KCNMA1: variants seen among roughly 807,000 people sequenced by gnomAD.
KCNMA1 encodes the protein potassium calcium-activated channel subfamily M alpha 1.
Under a neutral mutation model 140.0 loss-of-function variants are expected in KCNMA1, and 29 were observed. The ratio of observed to expected loss-of-function variants is 0.21; its 90% CI spans 0.15 to 0.28. KCNMA1 has a LOEUF of 0.28. Among genes scored for constraint, KCNMA1 ranks in the 10% least tolerant of loss-of-function variants. The pLI, the probability that KCNMA1 is intolerant of heterozygous loss-of-function variation, is 1.00. For synonymous variants in KCNMA1, 612 were observed against 611.9 expected (o/e 1.00, Z 0.00); for missense variants, 880 against 1,602.2 (o/e 0.55, Z 7.70).
intron 3 of KCNMA1, among the ~76,000 whole-genome samples, chr10:77,234,582 A>T (rs906914941): frequency 6.6e-6 from 1 of 152,254 alleles, no homozygotes; most frequent in Non-Finnish European, 1.5e-5. Context: ...AGTGACATGT[A>T]ATCCATACTG....
chr10:77,388,149 T>C (rs368003553), intron 2 of KCNMA1, among the ~76,000 whole-genome samples: 8 of 152,360 alleles, frequency 5.3e-5, no homozygotes, highest in African/African-American at 1.9e-4. Flanking sequence ...CATCCTTAAC[T>C]AAGTCCTACC....
At chr10:77,131,888 C>T (rs1007611896) in intron 5 of KCNMA1, among the ~76,000 whole-genome samples, 5 of 151,056 alleles carry the variant, frequency 3.3e-5, no homozygotes, top group Non-Finnish European at 7.4e-5. Context: ...TCGCTTGAAC[C>T]CGGGAGGCAG....
At chr10:77,476,125 G>C (rs886118729) in intron 1 of KCNMA1, among the ~76,000 whole-genome samples, 3 of 152,202 alleles carry the variant, frequency 2.0e-5, no homozygotes, top group African/African-American at 7.2e-5. Flanking sequence ...GAGAGCAAAT[G>C]AGTCAAGCTC....
chr10:77,397,450 C>T (rs1566568491), intron 2 of KCNMA1, among the ~76,000 whole-genome samples: 2 of 152,116 alleles, frequency 1.3e-5, no homozygotes, highest in Non-Finnish European at 2.9e-5. Flanking sequence ...AACAGAAAAC[C>T]ATCACCTCAA....
intron 14 of KCNMA1, among the ~76,000 whole-genome samples, chr10:77,064,357 T>C (rs946849617): frequency 2.0e-4 from 31 of 152,258 alleles, no homozygotes; most frequent in Middle Eastern, 3.4e-3. Context: ...TTTCTAATCA[T>C]GTTGGGGGAA....
chr10:77,454,154 A>C (rs535990384), intron 1 of KCNMA1, among the ~76,000 whole-genome samples: 3 of 152,320 alleles, frequency 2.0e-5, no homozygotes, highest in South Asian at 4.1e-4. Context: ...GTATCCAATC[A>C]AAAACTACCA....
At chr10:77,081,231 T>C (rs61866978) in intron 12 of KCNMA1, among the ~76,000 whole-genome samples, 8,914 of 152,274 alleles carry the variant, frequency 0.059, 372 homozygotes, top group Non-Finnish European at 0.09. Context: ...CTGTTCCTGT[T>C]TCCTCATCTG....
intron 2 of KCNMA1, among the ~76,000 whole-genome samples, chr10:77,393,114 C>T (rs1456379355): frequency 6.6e-6 from 1 of 152,218 alleles, no homozygotes; most frequent in Non-Finnish European, 1.5e-5. Context: ...AAAGAGGACG[C>T]AGCCTGGACA....
intron 1 of KCNMA1, among the ~76,000 whole-genome samples, chr10:77,568,275 C>CA (rs2069189916): frequency 6.6e-6 from 1 of 152,102 alleles, no homozygotes; most frequent in Non-Finnish European, 1.5e-5. Flanking sequence ...GGCAGAGACA[C>CA]AACAAAAAGA....
intron 5 of KCNMA1, among the ~76,000 whole-genome samples, chr10:77,125,878 T>C (rs1219585759): frequency 6.6e-6 from 1 of 152,184 alleles, no homozygotes; most frequent in Non-Finnish European, 1.5e-5. Context: ...AGACTATATG[T>C]TGCCTACTAA....
intron 19 of KCNMA1, among the ~76,000 whole-genome samples, chr10:76,991,558 C>T (rs1421346173): frequency 6.6e-6 from 1 of 152,170 alleles, no homozygotes; most frequent in Admixed American, 6.5e-5. Flanking sequence ...TTTTGGGAAG[C>T]TTCATGGATC....
At chr10:77,311,076 T>G (rs2079131887) in intron 2 of KCNMA1, among the ~76,000 whole-genome samples, 1 of 152,178 alleles carries the variant, frequency 6.6e-6, no homozygotes, top group Admixed American at 6.5e-5. Context: ...AAGACCAAAG[T>G]CTGTCCAAGG....
At chr10:77,298,815 T>G (rs1256782323) in intron 2 of KCNMA1, among the ~76,000 whole-genome samples, 1 of 152,104 alleles carries the variant, frequency 6.6e-6, no homozygotes, top group Non-Finnish European at 1.5e-5. Context: ...CAAACCTTCC[T>G]CCAGACTGGC....
At chr10:76,895,478 C>G (rs889504049) in intron 25 of KCNMA1, among the ~76,000 whole-genome samples, 1 of 152,062 alleles carries the variant, frequency 6.6e-6, no homozygotes, top group African/African-American at 2.4e-5. Context: ...CATATGAAAA[C>G]GTGTACACAG....
At chr10:76,906,925 C>A (rs898878955) in intron 25 of KCNMA1, among the ~76,000 whole-genome samples, 2 of 152,166 alleles carry the variant, frequency 1.3e-5, no homozygotes, top group Admixed American at 6.5e-5. Flanking sequence ...ACAATGAAAA[C>A]AAGACCTGGA....
At position 76,920,018 on chromosome 10, in the gene KCNMA1, G is replaced by GTATATA. The variant is rs1340604804; in HGVS notation, c.2903-4970_2903-4969insTATATA. On this transcript the variant is annotated intron_variant, in intron 23 of 27. Coordinates refer to ENST00000286628, the MANE Select transcript of KCNMA1 (RefSeq NM_001161352.2). ...TGTGTGTGTGTGTGTGTGTGTGTGTGTGTATATATATATATATATATATAT... is the reference window on the plus strand; with the variant it reads ...TGTGTGTGTGTGTGTGTGTGTGTGTGTATATATGTATATATATATATATATATATAT... Among the ~76,000 whole-genome samples, 387 of 43,440 alleles carry GTATATA rather than the reference G, an allele frequency of 8.9e-3. 1 individual carries two copies. Among genetic ancestry groups the GTATATA allele is most frequent in the Non-Finnish European group, 0.011 (264 of 24,706 alleles). The allele number at this position is 43,440 out of a possible 152,430, so 28.5% of individuals were successfully genotyped here.
At chr10:76,924,187 C>T (rs113169393) in intron 23 of KCNMA1, among the ~76,000 whole-genome samples, 2,629 of 152,246 alleles carry the variant, frequency 0.017, 77 homozygotes, top group African/African-American at 0.06. Context: ...CAACATTCCA[C>T]TGAAAACAAC....
intron 5 of KCNMA1, among the ~76,000 whole-genome samples, chr10:77,169,351 A>G (rs2098677700): frequency 6.6e-6 from 1 of 152,098 alleles, no homozygotes; most frequent in Non-Finnish European, 1.5e-5. Flanking sequence ...GAAGACCATG[A>G]GACTGAGTTT....
intron 2 of KCNMA1, among the ~76,000 whole-genome samples, chr10:77,266,478 C>T (rs754176649): frequency 2.0e-5 from 3 of 152,176 alleles, no homozygotes; most frequent in African/African-American, 4.8e-5. Flanking sequence ...GCCAGCTTGG[C>T]GCACCCTCTC....
Sources: allele counts gnomAD v4.1 joint callset (sites outside exome capture counted in the v4.1 genomes callset), GRCh38; gene constraint gnomAD v4.1.1; transcripts MANE v1.5; gene names NCBI Gene and HGNC (gene_info 2026-07-23, HGNC 2026-07-21).